The following SORCS3 variants were observed in gnomAD, a reference collection of about 807,000 sequenced individuals.
The protein encoded by SORCS3 is VPS10 domain-containing receptor SorCS3.
Under a neutral mutation model 146.3 loss-of-function variants are expected in SORCS3, and 57 were observed. That is an observed-to-expected ratio of 0.39 (90% CI 0.31 to 0.49). SORCS3 has a LOEUF of 0.49. SORCS3 is among the 20% of genes least tolerant of loss of function. The pLI, the probability that SORCS3 is intolerant of heterozygous loss-of-function variation, is 0.92. For missense variants in SORCS3, 1,341 were observed against 1,575.5 expected, an observed-to-expected ratio of 0.85 and a Z score of 2.52; for synonymous variants, 653 against 618.5, an observed-to-expected ratio of 1.06 and a Z score of -0.83.
chr10:104,969,303 TTGTGTGTGTGTGTG>T (rs59557629), intron 3 of SORCS3, among the ~76,000 whole-genome samples: 10 of 140,658 alleles, frequency 7.1e-5, no homozygotes, highest in East Asian at 4.3e-4. Flanking sequence ...TCAAAAAGGA[TTGTGTGTGTGTGTG>T]TGTGTGTGTG....
intron 6 of SORCS3, among the ~76,000 whole-genome samples, chr10:105,098,587 T>C (rs1280008744): frequency 6.6e-6 from 1 of 152,222 alleles, no homozygotes; most frequent in Non-Finnish European, 1.5e-5. Context: ...CCTAGAGCTG[T>C]GGAACTTAGG....
intron 6 of SORCS3, among the ~76,000 whole-genome samples, chr10:105,098,103 G>T (rs2055758949): frequency 6.6e-6 from 1 of 152,074 alleles, no homozygotes; most frequent in South Asian, 2.1e-4. Context: ...TAAACTCTAG[G>T]CTCTAGATAC....
chr10:104,644,587 TG>T (rs914694132), intron 1 of SORCS3, among the ~76,000 whole-genome samples: 2 of 152,202 alleles, frequency 1.3e-5, no homozygotes, highest in Non-Finnish European at 2.9e-5. Flanking sequence ...GAGGACACTT[TG>T]GGAAGATTCC....
At chr10:104,655,862 C>T (rs752695116) in intron 1 of SORCS3, among the ~76,000 whole-genome samples, 1 of 152,196 alleles carries the variant, frequency 6.6e-6, no homozygotes. Context: ...CCTGAGGTCT[C>T]CCCAGAAGCA....
intron 1 of SORCS3, among the ~76,000 whole-genome samples, chr10:104,691,816 C>CTGGGCT (rs2016116439): frequency 6.6e-6 from 1 of 152,118 alleles, no homozygotes; most frequent in Non-Finnish European, 1.5e-5. Context: ...TCATAGCTCA[C>CTGGGCT]CATAACTTCA....
chr10:104,684,779 GTTTTTTTTTTTTTTTTTTTT>G (rs764055039), intron 1 of SORCS3, among the ~76,000 whole-genome samples: 4 of 81,536 alleles, frequency 4.9e-5, no homozygotes, highest in Admixed American at 1.9e-4. Flanking sequence ...AGTCCTCAGT[GTTTTTTTTTTTTTTTTTTTT>G]TTTTTTTTTT....
At chr10:105,150,899 G>T (rs1207336288) in intron 9 of SORCS3, among the ~76,000 whole-genome samples, 1 of 152,196 alleles carries the variant, frequency 6.6e-6, no homozygotes, top group African/African-American at 2.4e-5. Context: ...CATACGGCCA[G>T]TTAGCAAAGA....
chr10:104,876,731 C>CTTCT (rs1188987394), intron 2 of SORCS3, among the ~76,000 whole-genome samples: 1 of 120,924 alleles, frequency 8.3e-6, no homozygotes, highest in South Asian at 2.6e-4. Context: ...TCCTTCCTTC[C>CTTCT]TTCCTTCCTT....
At chr10:104,709,230 G>A (rs2016384652) in intron 1 of SORCS3, among the ~76,000 whole-genome samples, 1 of 152,084 alleles carries the variant, frequency 6.6e-6, no homozygotes, top group Admixed American at 6.5e-5. Context: ...TTTGGGTTGG[G>A]TGTTTGGATC....
At chr10:105,009,353 T>C (rs1323440239) in intron 4 of SORCS3, among the ~76,000 whole-genome samples, 1 of 152,072 alleles carries the variant, frequency 6.6e-6, no homozygotes, top group South Asian at 2.1e-4. Context: ...TAGATGTAAA[T>C]GCTAAATGCT....
At chr10:105,137,086 C>A (rs896277531) in intron 7 of SORCS3, among the ~76,000 whole-genome samples, 3 of 152,100 alleles carry the variant, frequency 2.0e-5, no homozygotes, top group Non-Finnish European at 4.4e-5. Flanking sequence ...ATGCTCCCAG[C>A]CTTGCCCTGG....
At chr10:105,246,279 G>A (rs2056865777) in intron 21 of SORCS3, among the ~76,000 whole-genome samples, 1 of 151,988 alleles carries the variant, frequency 6.6e-6, no homozygotes, top group Admixed American at 6.6e-5. Flanking sequence ...CCTCTCCCAG[G>A]TCCCTAGACA....
At chr10:104,768,967 C>G (rs1267528982) in intron 1 of SORCS3, among the ~76,000 whole-genome samples, 1 of 152,194 alleles carries the variant, frequency 6.6e-6, no homozygotes, top group Non-Finnish European at 1.5e-5. Context: ...TAGAGAGTAG[C>G]TCCACTTTCC....
At position 105,264,077 on chromosome 10, in the gene SORCS3, C is replaced by G. The variant is rs1384454608; in HGVS notation, c.*703C>G. The G allele has an allele frequency of 7.0e-6, 1 of 143,662 alleles. No homozygotes were observed. Among genetic ancestry groups the G allele is most frequent in the African/African-American group, 2.6e-5 (1 of 38,312 alleles). 8.9% of individuals were successfully genotyped at this position (143,662 alleles called of 1,614,324 possible). A position where few individuals can be genotyped will look rare whatever the true frequency, so the allele number is the denominator to read the frequency against. ...TTGGGTTTGGATGCTCTCCTGTTGT[C>G]TGTCACACTTAACTCTTGCATCTCC... On this transcript the variant is annotated 3_prime_UTR_variant, in exon 27 of 27. Coordinates refer to ENST00000369701, the MANE Select transcript of SORCS3 (RefSeq NM_014978.3).
intron 3 of SORCS3, among the ~76,000 whole-genome samples, chr10:104,943,313 A>G (rs1181925904): frequency 6.6e-6 from 1 of 152,120 alleles, no homozygotes; most frequent in African/African-American, 2.4e-5. Flanking sequence ...GTATTTTAGT[A>G]GAGACGGGGT....
chr10:104,693,657 G>A (rs938041372), intron 1 of SORCS3, among the ~76,000 whole-genome samples: 1 of 152,116 alleles, frequency 6.6e-6, no homozygotes, highest in African/African-American at 2.4e-5. Flanking sequence ...ACCCTGTGAT[G>A]TCTGTGTACC....
At chr10:105,231,660 A>G (rs1165855429) in intron 20 of SORCS3, among the ~76,000 whole-genome samples, 1 of 152,110 alleles carries the variant, frequency 6.6e-6, no homozygotes, top group East Asian at 1.9e-4. Context: ...TTTTTTGTAG[A>G]TATTCTTTAT....
intron 1 of SORCS3, among the ~76,000 whole-genome samples, chr10:104,687,441 T>C (rs1335532586): frequency 6.6e-6 from 1 of 152,170 alleles, no homozygotes; most frequent in Non-Finnish European, 1.5e-5. Context: ...ACATCTTTAT[T>C]CTCTAAAATG....
intron 16 of SORCS3, among the ~76,000 whole-genome samples, chr10:105,204,202 A>G (rs10884115): frequency 0.34 from 51,672 of 151,916 alleles, 8,921 homozygotes; most frequent in South Asian, 0.48. Flanking sequence ...GAGAAGAAAC[A>G]TCTTGGATAT....
Sources: allele counts gnomAD v4.1 joint callset (sites outside exome capture counted in the v4.1 genomes callset), GRCh38; gene constraint gnomAD v4.1.1; transcripts MANE v1.5; gene names NCBI Gene and HGNC (gene_info 2026-07-23, HGNC 2026-07-21).